Variants in ITGA7 observed in about 807,000 individuals in gnomAD.
ITGA7 encodes integrin subunit alpha 7.
ITGA7 carries 84 observed loss-of-function variants against 131.6 expected under a neutral mutation model. The ratio of observed to expected loss-of-function variants is 0.64; its 90% CI spans 0.54 to 0.77. The LOEUF (loss-of-function observed/expected upper bound fraction) is 0.77, where lower values mean the gene tolerates loss of function less well. Among genes scored for constraint, ITGA7 ranks in the 30% least tolerant of loss-of-function variants. ITGA7 has a pLI of 0.00. For missense variants in ITGA7, 1,399 were observed against 1,482.9 expected (o/e 0.94, Z 0.93); for synonymous variants, 548 against 600.7 (o/e 0.91, Z 1.28).
In ITGA7 at chr12:55,694,270, T is replaced by C. The variant is rs1285071627; in HGVS notation, c.2418A>G (p.Pro806=). 1 of 1,614,064 alleles carries C rather than the reference T, an allele frequency of 6.2e-7. No individual in the cohort carries two copies. ...SARARVFIEL[P]LSIAGMAIPQ... ...GCCAGGCTCACCCTGCAATGGACAGTGGCAGCTCAATGAAGACACGGGCTC... is the reference window on the plus strand; with the variant it reads ...GCCAGGCTCACCCTGCAATGGACAGCGGCAGCTCAATGAAGACACGGGCTC... Residue 806 remains proline, a synonymous_variant, in exon 18 of 25, where the codon CCA becomes CCG. Coordinates refer to ENST00000257879, the MANE Select transcript of ITGA7 (RefSeq NM_002206.3). This position sits in a 1 kb window ranked among gnomAD's most constrained non-coding sequence, Gnocchi z 5.3.
chr12:55,708,173 C>T, upstream of ITGA7: 2 of 305,378 alleles, frequency 6.5e-6, no homozygotes, highest in Non-Finnish European at 9.6e-6. Flanking sequence ...CCTTGGAATG[C>T]GGAGGGAGAG....
chr12:55,698,172 A>T (rs1449940156), intron 7 of ITGA7, 146 bp from the exon 8 acceptor site: 4 of 882,590 alleles, frequency 4.5e-6, no homozygotes, highest in Non-Finnish European at 7.2e-6. Flanking sequence ...CATCATCTTT[A>T]ATCCTCTTGG....
chr12:55,715,979 T>C, upstream of ITGA7: 1 of 1,466,250 alleles, frequency 6.8e-7, no homozygotes, highest in South Asian at 1.3e-5. Context: ...CTACCTCTCT[T>C]CCCCGCCAAG....
At chr12:55,700,294 C>G in intron 4 of ITGA7, 4 of 1,608,854 alleles carry the variant, frequency 2.5e-6, no homozygotes, top group Non-Finnish European at 2.5e-6. Flanking sequence ...CGGGATGAGG[C>G]GGGGGTCCTG....
chr12:55,698,869 C>G lies in ITGA7; in HGVS notation c.839G>C (p.Ser280Thr), dbSNP rs757790681. 1 of 1,613,982 alleles carries G rather than the reference C, an allele frequency of 6.2e-7. No homozygotes were observed. Among genetic ancestry groups the G allele is most frequent in the Non-Finnish European group, 8.5e-7 (1 of 1,179,956 alleles). Residue 280 changes from serine (S) to threonine (T), a missense_variant, in exon 6 of 25, where the codon AGC (serine) becomes ACC (threonine). Transcript: ENST00000257879. ...GGCGCGGGGGGCTCCAGCCACAAAG[C>G]TCAGCTCTTCTGCACGCACCAGACC... ...GKGLVRAEEL[S>T]FVAGAPRANH...
chr12:55,695,684 G>T lies in ITGA7; in HGVS notation c.1888-47C>A, dbSNP rs767081621. 4 of 1,312,074 alleles carry T rather than the reference G, an allele frequency of 3.0e-6. No homozygotes were observed. In the South Asian group the frequency reaches 4.7e-5, roughly 15 times the overall value. The allele number at this position is 1,312,074 out of a possible 1,614,324, so 81.3% of individuals were successfully genotyped here. ...GGGGCATTCCTAGGGGGCAAGGCAG[G>T]GGGCAAACCTGTCACCATGGCATAT... On this transcript the variant is annotated intron_variant, in intron 13 of 24. Coordinates refer to ENST00000257879, the MANE Select transcript of ITGA7 (RefSeq NM_002206.3).
At chr12:55,716,091 A>AGCCGGAGGGGGCT, upstream of ITGA7, 1 of 1,587,766 alleles carries the variant, frequency 6.3e-7, no homozygotes, top group South Asian at 1.1e-5. Flanking sequence ...CAGCTTCCGG[A>AGCCGGAGGGGGCT]GCCGGAGGGG....
Position 55,699,978 on chromosome 12 carries a change from CA to C in ITGA7, c.681del (p.Phe227LeufsTer2). ...PGTYNWKGLLFVTNIDSSDPD... is the reference protein window; with the variant it reads ...PGTYNWKGLLXVTNIDSSDPD... Reference sequence around the variant, plus strand: ...GGGTCTGAGCTATCAATGTTGGTCACAAAAAGCAACCCTGTGGGGGGTGGGG... The same window carrying C: ...GGGTCTGAGCTATCAATGTTGGTCACAAAAGCAACCCTGTGGGGGGTGGGG... On this transcript the variant is annotated frameshift_variant, in exon 5 of 25. Coordinates refer to ENST00000257879, the MANE Select transcript of ITGA7 (RefSeq NM_002206.3). LOFTEE classifies it high-confidence loss of function. 2 of 1,613,930 alleles carry C rather than the reference CA, an allele frequency of 1.2e-6. No individual in the cohort carries two copies. Among genetic ancestry groups the C allele is most frequent in the Non-Finnish European group, 1.7e-6 (2 of 1,180,000 alleles).
At chr12:55,702,011 G>C (rs908041399) in intron 3 of ITGA7, among the ~76,000 whole-genome samples, 12 of 152,040 alleles carry the variant, frequency 7.9e-5, no homozygotes, top group Admixed American at 2.6e-4. Flanking sequence ...TGGTTTTTTC[G>C]TTTGTTTGTT....
At chr12:55,708,031 GA>G, upstream of ITGA7, 7 of 1,165,220 alleles carry the variant, frequency 6.0e-6, no homozygotes, top group Non-Finnish European at 6.4e-6. Flanking sequence ...GGCTGGGATG[GA>G]AACTAGCCTT....
chr12:55,697,474 G>C lies in ITGA7; in HGVS notation c.1482C>G (p.Asn494Lys). 1 of 1,614,128 alleles carries C rather than the reference G, an allele frequency of 6.2e-7. No homozygotes were observed. The part of the protein sequence containing the change: ...APRSIDLEQP[N>K]CAGGHSVCVD... The stretch of plus-strand genomic sequence containing the variant: ...ACCAGACCGAGTGGCCGCCAGCACA[G>C]TTGGGCTGCTCCAGGTCGATGCTTC... Residue 494 changes from asparagine (N) to lysine (K), a missense_variant, in exon 10 of 25, where the codon AAC (asparagine) becomes AAG (lysine). By Grantham distance (94) the Asn-to-Lys change is moderately conservative (BLOSUM62 0). Coordinates refer to ENST00000257879, the MANE Select transcript of ITGA7 (RefSeq NM_002206.3).
At chr12:55,696,145 C>G in intron 13 of ITGA7, 138 bp downstream of exon 13, 2 of 919,732 alleles carry the variant, frequency 2.2e-6, no homozygotes, top group Non-Finnish European at 3.4e-6. Context: ...GTCATTTAGG[C>G]ACCTAGAGAT....
chr12:55,692,721 T>G (rs1871710628), intron 21 of ITGA7, 123 bp downstream of exon 21: 2 of 1,312,928 alleles, frequency 1.5e-6, no homozygotes, highest in Admixed American at 3.9e-5. Flanking sequence ...CACCCCCTCC[T>G]ATGAATTGTG....
intron 21 of ITGA7, among the ~76,000 whole-genome samples, chr12:55,691,069 T>C (rs1338779933): frequency 6.6e-6 from 1 of 151,524 alleles, no homozygotes; most frequent in South Asian, 2.1e-4. Context: ...TGTATACATA[T>C]GTAACTAACC....
chr12:55,696,550 T>C (rs1872666651), intron 12 of ITGA7, 118 bp from the exon 13 acceptor site: 7 of 1,103,628 alleles, frequency 6.3e-6, no homozygotes, highest in South Asian at 1.3e-5. Context: ...GGGAGATGAA[T>C]GAGAGAGGTG....
chr12:55,698,851 G>A lies in ITGA7; in HGVS notation c.857C>T (p.Pro286Leu), dbSNP rs766093987. The change falls in exon 6 of 25, where the codon CCC becomes CTC. Residue 286 changes from proline (P) to leucine (L), a missense_variant. Coordinates refer to ENST00000257879, the MANE Select transcript of ITGA7 (RefSeq NM_002206.3). ...CACAGCACCCTTGTGGTTGGCGCGG[G>A]GGGCTCCAGCCACAAAGCTCAGCTC... ...AEELSFVAGAPRANHKGAVVI... is the reference protein window; with the variant it reads ...AEELSFVAGALRANHKGAVVI... 2 of 1,613,724 alleles carry A rather than the reference G, an allele frequency of 1.2e-6. No individual in the cohort carries two copies. The highest frequency in any genetic ancestry group is 1.3e-5 in the African/African-American group (1 of 75,036).
At chr12:55,699,666 C>A in intron 5 of ITGA7, 1 of 639,156 alleles carries the variant, frequency 1.6e-6, no homozygotes, top group South Asian at 1.9e-5. Flanking sequence ...GCTCACAGCC[C>A]CAGAGGCCAC....
chr12:55,715,971 A>G (rs1002165810), upstream of ITGA7: 16 of 1,453,138 alleles, frequency 1.1e-5, no homozygotes, highest in Non-Finnish European at 1.1e-5. Context: ...GCAACCCTCT[A>G]CCTCTCTTCC....
At chr12:55,692,028 A>C (rs908336658) in intron 21 of ITGA7, among the ~76,000 whole-genome samples, 1 of 152,208 alleles carries the variant, frequency 6.6e-6, no homozygotes, top group Non-Finnish European at 1.5e-5. Flanking sequence ...CTGCAAAACA[A>C]GCAGAAAAGG....
Sources: allele counts gnomAD v4.1 joint callset (sites outside exome capture counted in the v4.1 genomes callset), GRCh38; gene constraint gnomAD v4.1.1; non-coding constraint Gnocchi (gnomAD v3.1); transcripts MANE v1.5; gene names NCBI Gene and HGNC (gene_info 2026-07-23, HGNC 2026-07-21).